CDH2: variants seen among roughly 807,000 people sequenced by gnomAD.
CDH2 encodes cadherin-2.
CDH2 carries 17 observed loss-of-function variants against 92.0 expected under a neutral mutation model. The observed-to-expected ratio is 0.18, with a 90% confidence interval of 0.13 to 0.28. The LOEUF is 0.28. Among genes scored for constraint, CDH2 ranks in the 10% least tolerant of loss-of-function variants. CDH2 has a pLI of 1.00. For synonymous variants in CDH2, 419 were observed against 415.9 expected (o/e 1.01, Z -0.09); for missense variants, 862 against 1,133.1 (o/e 0.76, Z 3.44).
At chr18:28,088,953 T>G (rs1480895974) in intron 2 of CDH2, among the ~76,000 whole-genome samples, 1 of 152,200 alleles carries the variant, frequency 6.6e-6, no homozygotes, top group Non-Finnish European at 1.5e-5. Context: ...ATATCTAGAT[T>G]ATTACACTTT....
At chr18:28,008,306 T>G (rs905823827) in intron 5 of CDH2, among the ~76,000 whole-genome samples, 1 of 152,238 alleles carries the variant, frequency 6.6e-6, no homozygotes, top group East Asian at 1.9e-4. Context: ...AAGTTTTACT[T>G]CTTTTCCTAT....
At chr18:27,943,378 C>A (rs1457295480) in intron 6 of CDH2, among the ~76,000 whole-genome samples, 1 of 152,168 alleles carries the variant, frequency 6.6e-6, no homozygotes, top group Non-Finnish European at 1.5e-5. Flanking sequence ...GCTTCTCCAT[C>A]TCAAGAAATC....
chr18:28,018,554 G>A (rs985383224), intron 2 of CDH2, among the ~76,000 whole-genome samples: 1 of 151,860 alleles, frequency 6.6e-6, no homozygotes, highest in Non-Finnish European at 1.5e-5. Flanking sequence ...ATAGACCAAT[G>A]GAACAGAAAT....
intron 6 of CDH2, among the ~76,000 whole-genome samples, chr18:27,937,179 A>G (rs1479699954): frequency 1.3e-5 from 2 of 152,216 alleles, no homozygotes; most frequent in African/African-American, 4.8e-5. Flanking sequence ...CAAAACATGC[A>G]AAATTTACAA....
At chr18:28,173,219 T>C (rs772560559) in intron 1 of CDH2, among the ~76,000 whole-genome samples, 2 of 152,156 alleles carry the variant, frequency 1.3e-5, no homozygotes, top group Admixed American at 6.5e-5. Context: ...TGGTTTAATA[T>C]ATAGTGTTTT....
At chr18:28,060,606 T>C (rs1427415531) in intron 2 of CDH2, among the ~76,000 whole-genome samples, 1 of 152,246 alleles carries the variant, frequency 6.6e-6, no homozygotes, top group Non-Finnish European at 1.5e-5. Context: ...TTTCTCTTTA[T>C]CTTTTTCAAA....
At position 28,003,444 on chromosome 18, in the gene CDH2, A is replaced by G. The variant is rs192635015; in HGVS notation, c.848-275T>C. 2.4e-3 allele frequency among the ~76,000 whole-genome samples: 361 copies of G among 152,344 alleles called. 4 individuals are homozygous for G. The highest frequency in any genetic ancestry group is 7.6e-3 in the African/African-American group (318 of 41,590). ...ACTTAGAAGATAAATTCACTTTATG[A>G]TTCCAAAAAGGTTCATTTTAGACCT... On this transcript the variant is annotated intron_variant, in intron 6 of 15. Coordinates refer to ENST00000269141, the MANE Select transcript of CDH2 (RefSeq NM_001792.5).
chr18:28,101,928 C>G (rs1220023), intron 2 of CDH2, among the ~76,000 whole-genome samples: 46,670 of 151,966 alleles, frequency 0.31, 7,747 homozygotes, highest in African/African-American at 0.41. Context: ...TTCAGTTTTT[C>G]TCTGCCCTCT....
Position 28,147,742 on chromosome 18 carries a change from C to T in CDH2, c.103G>A (p.Gly35Arg). 1 of 1,612,324 alleles carries T rather than the reference C, an allele frequency of 6.2e-7. No homozygotes were observed. Among genetic ancestry groups the T allele is most frequent in the Non-Finnish European group, 8.5e-7 (1 of 1,179,290 alleles). Residue 35 changes from glycine (G) to arginine (R), a missense_variant, in exon 2 of 16, where the codon GGA becomes AGA. By Grantham distance (125) the Gly-to-Arg change is moderately radical. Transcript: ENST00000269141. ...ASGEIALCKT[G>R]FPEDVYSAVL... ...GCACTGTAAACATCTTCAGGAAATC[C>T]AGTCTTGCATAATGCGATTTCACCA...
At chr18:28,105,177 T>C (rs1420918616) in intron 2 of CDH2, among the ~76,000 whole-genome samples, 1 of 152,170 alleles carries the variant, frequency 6.6e-6, no homozygotes, top group Non-Finnish European at 1.5e-5. Flanking sequence ...TCCATCCTGT[T>C]CTAAAAATCT....
At chr18:28,130,290 G>A (rs1156437315) in intron 2 of CDH2, among the ~76,000 whole-genome samples, 1 of 152,126 alleles carries the variant, frequency 6.6e-6, no homozygotes, top group East Asian at 1.9e-4. Context: ...AGACTCAGGG[G>A]CTAAGTACTC....
chr18:28,166,050 C>A (rs2016373402), intron 1 of CDH2, among the ~76,000 whole-genome samples: 1 of 149,344 alleles, frequency 6.7e-6, no homozygotes, highest in African/African-American at 2.5e-5. Context: ...TAAGTAATAT[C>A]TGACATAGTG....
At chr18:28,021,093 T>C (rs2013398640) in intron 2 of CDH2, among the ~76,000 whole-genome samples, 1 of 151,952 alleles carries the variant, frequency 6.6e-6, no homozygotes, top group East Asian at 1.9e-4. Flanking sequence ...ATGACTTCCA[T>C]TGAATTGCCT....
chr18:28,005,634 A>C (rs940987530), intron 6 of CDH2, among the ~76,000 whole-genome samples: 1 of 152,200 alleles, frequency 6.6e-6, no homozygotes, highest in African/African-American at 2.4e-5. Flanking sequence ...AAGGTGGGAA[A>C]AATCAGTATG....
intron 2 of CDH2, among the ~76,000 whole-genome samples, chr18:28,047,512 T>C (rs958115713): frequency 6.6e-6 from 1 of 152,066 alleles, no homozygotes; most frequent in Non-Finnish European, 1.5e-5. Flanking sequence ...GAGTGTTCAT[T>C]TGATCTTTCA....
intron 2 of CDH2, among the ~76,000 whole-genome samples, chr18:28,070,178 C>A (rs1182968367): frequency 6.6e-6 from 1 of 152,108 alleles, no homozygotes; most frequent in Non-Finnish European, 1.5e-5. Flanking sequence ...AGTTATACCA[C>A]CCTGTCTACA....
chr18:28,070,179 C>T (rs75879667), intron 2 of CDH2, among the ~76,000 whole-genome samples: 2 of 152,062 alleles, frequency 1.3e-5, no homozygotes, highest in African/African-American at 2.4e-5. Context: ...GTTATACCAC[C>T]CTGTCTACAT....
chr18:28,160,705 A>T (rs770346157), intron 1 of CDH2, among the ~76,000 whole-genome samples: 87 of 152,322 alleles, frequency 5.7e-4, no homozygotes, highest in African/African-American at 2.0e-3. Flanking sequence ...ACCAGACCAA[A>T]CCCAACATGG....
At chr18:28,062,967 T>C (rs1423856300) in intron 2 of CDH2, among the ~76,000 whole-genome samples, 1 of 152,144 alleles carries the variant, frequency 6.6e-6, no homozygotes, top group Non-Finnish European at 1.5e-5. Context: ...ATCATGACTC[T>C]GTCTCAGAAA....
Sources: allele counts gnomAD v4.1 joint callset (sites outside exome capture counted in the v4.1 genomes callset), GRCh38; gene constraint gnomAD v4.1.1; transcripts MANE v1.5; gene names NCBI Gene and HGNC (gene_info 2026-07-23, HGNC 2026-07-21).